Variants in LSMEM1 observed in about 807,000 individuals in gnomAD.
The protein encoded by LSMEM1 is leucine-rich single-pass membrane protein 1.
LSMEM1 carries 10 observed loss-of-function variants against 11.3 expected under a neutral mutation model. The ratio of observed to expected loss-of-function variants is 0.89; its 90% CI spans 0.55 to 1.50. The LOEUF is 1.50. Among genes scored for constraint, LSMEM1 ranks in the 40% most tolerant of loss-of-function variants. The probability of loss-of-function intolerance (pLI) is 0.00; values close to 1 mark genes in which losing one functional copy is unlikely to be tolerated. For missense variants in LSMEM1, 151 were observed against 152.9 expected, an observed-to-expected ratio of 0.99 and a Z score of 0.06; for synonymous variants, 65 against 59.3, an observed-to-expected ratio of 1.10 and a Z score of -0.44.
At chr7:112,487,081 T>C in intron 3 of LSMEM1, 30 bp downstream of exon 3, 1 of 1,608,464 alleles carries the variant, frequency 6.2e-7, no homozygotes, top group Non-Finnish European at 8.5e-7. Context: ...TCTTTTTTAT[T>C]ACTTGTATGC....
At position 112,486,854 on chromosome 7, in the gene LSMEM1, T is replaced by G. The variant is rs887199082; in HGVS notation, c.128-69T>G. The G allele has an allele frequency of 5.0e-6, 8 of 1,599,112 alleles. No individual in the cohort carries two copies. In the East Asian group the frequency reaches 1.8e-4, roughly 36 times the overall value. On this transcript the variant is annotated intron_variant, in intron 2 of 3. Transcript: ENST00000312849. Reference sequence around the variant, plus strand: ...TACTCACGGTCTAACACTGGGGTACTGTTCAGTTCTGCTGACAAGTTGTAT... The same window carrying G: ...TACTCACGGTCTAACACTGGGGTACGGTTCAGTTCTGCTGACAAGTTGTAT...
chr7:112,485,038 G>A, intron 2 of LSMEM1, 95 bp downstream of exon 2: 1 of 1,361,022 alleles, frequency 7.3e-7, no homozygotes, highest in Non-Finnish European at 9.9e-7. Context: ...TGGTGGAGGG[G>A]GAGGGGGCAT....
chr7:112,488,179 A>G (rs1796173685), intron 3 of LSMEM1, among the ~76,000 whole-genome samples: 1 of 152,200 alleles, frequency 6.6e-6, no homozygotes, highest in South Asian at 2.1e-4. Context: ...CACCGGGCTG[A>G]TGACCTTTTG....
At position 112,484,932 on chromosome 7, in the gene LSMEM1, A is replaced by G. The variant is rs752952403; in HGVS notation, c.116A>G (p.Gln39Arg). The change falls in exon 2 of 4, where the codon CAG becomes CGG. Residue 39 changes from glutamine (Q) to arginine (R), a missense_variant. Coordinates refer to ENST00000312849, the MANE Select transcript of LSMEM1 (RefSeq NM_182597.3). ...CTAAACCTCTGTCCAGCCGGATCGC[A>G]GCATCTGTTCCGTATGTGTGCTGGG... is the stretch of plus-strand genomic sequence containing the variant. ...NKLNLCPAGS[Q>R]HLFPLEDKIP... The G allele has an allele frequency of 1.2e-6, 2 of 1,611,390 alleles. No homozygotes were observed. The highest frequency in any genetic ancestry group is 1.7e-5 in the Admixed American group (1 of 59,938).
chr7:112,482,432 A>G (rs1796049345), intron 1 of LSMEM1, among the ~76,000 whole-genome samples: 1 of 152,248 alleles, frequency 6.6e-6, no homozygotes, highest in Non-Finnish European at 1.5e-5. Context: ...TTGAAGCAAC[A>G]GCAGATACAT....
At chr7:112,484,774 C>T (rs754005048) in intron 1 of LSMEM1, 38 bp from the exon 2 acceptor site, 14 of 1,601,034 alleles carry the variant, frequency 8.7e-6, no homozygotes, top group Non-Finnish European at 8.5e-7. Context: ...AGTTCACAAG[C>T]CCAACCTCTT....
In LSMEM1 at chr7:112,489,882, A is replaced by G. The variant is rs772230759; in HGVS notation, c.329A>G (p.Lys110Arg). The G allele has an allele frequency of 6.2e-7, 1 of 1,614,206 alleles. No homozygotes were observed. Among genetic ancestry groups the G allele is most frequent in the East Asian group, 2.2e-5 (1 of 44,894 alleles). Residue 110 changes from lysine to arginine, a missense_variant, in exon 4 of 4, where the codon AAG becomes AGG. By Grantham distance (26) the Lys-to-Arg change is conservative. Transcript: ENST00000312849. ...GAAGGAAAAGACATAGATGATCTTA[A>G]GAGAATCAATAACATGATCGTAAAG... ...TAEGKDIDDL[K>R]RINNMIVKRL...
chr7:112,489,600 G>A (rs1212437012), intron 3 of LSMEM1, among the ~76,000 whole-genome samples: 2 of 152,148 alleles, frequency 1.3e-5, no homozygotes, highest in Non-Finnish European at 2.9e-5. Flanking sequence ...GTCTAGGTTG[G>A]CACCAAGAGA....
At position 112,490,055 on chromosome 7, in the gene LSMEM1, A is replaced by G; in HGVS notation, c.*106A>G. On this transcript the variant is annotated 3_prime_UTR_variant, in exon 4 of 4. Coordinates refer to ENST00000312849, the MANE Select transcript of LSMEM1 (RefSeq NM_182597.3). ...AGTGCACTTCCTCAGGCAACAGATG[A>G]TCTGGTCAGGCAACCCACCCCTGGG... The G allele has an allele frequency of 7.4e-7, 1 of 1,359,816 alleles. No homozygotes were observed. The highest frequency in any genetic ancestry group is 9.9e-7 in the Non-Finnish European group (1 of 1,009,240). The allele number at this position is 1,359,816 out of a possible 1,614,324, so 84.2% of individuals were successfully genotyped here.
In LSMEM1 at chr7:112,481,085, C is replaced by T. The variant is rs1796023612; in HGVS notation, c.-267C>T. The stretch of plus-strand genomic sequence containing the variant: ...AAGCATAGTTTTAGTAATATATTTA[C>T]TAAAAACCTTAGACATTATGAAAAA... On this transcript the variant is annotated 5_prime_UTR_variant, in exon 1 of 4. Coordinates refer to ENST00000312849, the MANE Select transcript of LSMEM1 (RefSeq NM_182597.3). The T allele has an allele frequency of 2.9e-6, 1 of 345,622 alleles. No individual in the cohort carries two copies. The allele number at this position is 345,622 out of a possible 1,614,324, so 21.4% of individuals were successfully genotyped here. A position where few individuals can be genotyped will look rare whatever the true frequency, so the allele number is the denominator to read the frequency against.
intron 3 of LSMEM1, among the ~76,000 whole-genome samples, chr7:112,489,410 G>A (rs1213665344): frequency 6.6e-6 from 1 of 152,166 alleles, no homozygotes; most frequent in African/African-American, 2.4e-5. Context: ...GTCAAAATAG[G>A]CTGGAACCCA....
intron 3 of LSMEM1, among the ~76,000 whole-genome samples, chr7:112,489,418 C>T (rs979962792): frequency 5.3e-5 from 8 of 152,096 alleles, no homozygotes; most frequent in African/African-American, 1.2e-4. Context: ...AGGCTGGAAC[C>T]CAAAGAATGT....
chr7:112,480,420 C>T (rs1291748737), upstream of LSMEM1, among the ~76,000 whole-genome samples: 1 of 152,092 alleles, frequency 6.6e-6, no homozygotes, highest in African/African-American at 2.4e-5. Context: ...AAAAATGTTT[C>T]AAAGATGAAT....
chr7:112,482,970 C>T (rs911988595), intron 1 of LSMEM1, among the ~76,000 whole-genome samples: 1 of 152,094 alleles, frequency 6.6e-6, no homozygotes, highest in Non-Finnish European at 1.5e-5. Context: ...TAGTCCATGA[C>T]TTTTTGAGCT....
chr7:112,487,980 G>A (rs1184895195), intron 3 of LSMEM1, among the ~76,000 whole-genome samples: 1 of 152,196 alleles, frequency 6.6e-6, no homozygotes, highest in African/African-American at 2.4e-5. Context: ...CAGGATTAGA[G>A]GAGGCAGAGG....
At chr7:112,481,971 C>T (rs1038181635) in intron 1 of LSMEM1, among the ~76,000 whole-genome samples, 1 of 152,318 alleles carries the variant, frequency 6.6e-6, no homozygotes, top group Admixed American at 6.5e-5. Flanking sequence ...CCTAGATGCC[C>T]TCATTTGGAG....
intron 2 of LSMEM1, 74 bp downstream of exon 2, chr7:112,485,017 ATG>A: frequency 8.2e-7 from 1 of 1,217,048 alleles, no homozygotes; most frequent in Non-Finnish European, 1.1e-6. Flanking sequence ...TGCTGACTGG[ATG>A]TGTGGGTGTG....
intron 1 of LSMEM1, among the ~76,000 whole-genome samples, chr7:112,483,161 G>A (rs954911669): frequency 4.2e-5 from 6 of 144,144 alleles, no homozygotes; most frequent in Non-Finnish European, 7.6e-5. Flanking sequence ...TATGAATTTG[G>A]TTTCTCCCAA....
chr7:112,485,118 A>T (rs1300592082), intron 2 of LSMEM1, among the ~76,000 whole-genome samples, 175 bp downstream of exon 2: 1 of 152,040 alleles, frequency 6.6e-6, no homozygotes, highest in Non-Finnish European at 1.5e-5. Flanking sequence ...TGAATACTTG[A>T]CAGGATTATG....
Sources: allele counts gnomAD v4.1 joint callset (sites outside exome capture counted in the v4.1 genomes callset), GRCh38; gene constraint gnomAD v4.1.1; transcripts MANE v1.5; gene names NCBI Gene and HGNC (gene_info 2026-07-23, HGNC 2026-07-21).